Variants in MARCO observed in about 807,000 individuals in gnomAD.
The protein encoded by MARCO is macrophage receptor with collagenous structure.
Under a neutral mutation model 70.0 loss-of-function variants are expected in MARCO, and 72 were observed. The ratio of observed to expected loss-of-function variants is 1.03; its 90% CI spans 0.85 to 1.25. The LOEUF (loss-of-function observed/expected upper bound fraction) is 1.25, where lower values mean the gene tolerates loss of function less well. MARCO is among the 50% of genes most tolerant of loss of function. MARCO has a pLI of 0.00. For synonymous variants in MARCO, 273 were observed against 243.1 expected (o/e 1.12, Z -1.14); for missense variants, 696 against 659.3 (o/e 1.06, Z -0.61).
At chr2:118,946,185 C>T (rs983975466) in intron 1 of MARCO, among the ~76,000 whole-genome samples, 2 of 152,204 alleles carry the variant, frequency 1.3e-5, no homozygotes, top group African/African-American at 4.8e-5. Flanking sequence ...ACATCTTACA[C>T]TGCATTAATA....
chr2:118,959,666 TG>T (rs1679905640), intron 1 of MARCO, among the ~76,000 whole-genome samples: 1 of 152,216 alleles, frequency 6.6e-6, no homozygotes, highest in Admixed American at 6.5e-5. Flanking sequence ...AGTCACTGTT[TG>T]AAAAAGATAC....
chr2:118,982,461 G>A lies in MARCO; in HGVS notation c.1063+51G>A, dbSNP rs770535318. 6 of 1,549,636 alleles carry A rather than the reference G, an allele frequency of 3.9e-6. No homozygotes were observed. The African/African-American group carries it at 8.2e-5, about 21-fold the overall frequency. On this transcript the variant is annotated intron_variant, in intron 12 of 16. Transcript: ENST00000327097. ...AGGTGGGCTTGCTGGGTGGCAGGATGGATGGAGAGAAAAACTGCTTCTTCT... is the reference window on the plus strand; with the variant it reads ...AGGTGGGCTTGCTGGGTGGCAGGATAGATGGAGAGAAAAACTGCTTCTTCT...
chr2:118,990,557 CCT>C, intron 12 of MARCO, 30 bp from the exon 13 acceptor site: 1 of 1,557,384 alleles, frequency 6.4e-7, no homozygotes, highest in Non-Finnish European at 8.7e-7. Context: ...TTTATTATCT[CCT>C]CCCCCCCCCC....
chr2:118,972,578 G>T (rs1373579378), intron 4 of MARCO, among the ~76,000 whole-genome samples: 1 of 152,180 alleles, frequency 6.6e-6, no homozygotes, highest in Non-Finnish European at 1.5e-5. Flanking sequence ...TAGGATTGGT[G>T]TCAGGATAAA....
chr2:118,944,894 TC>T (rs1679567193), intron 1 of MARCO: 1 of 152,182 alleles, frequency 6.6e-6, no homozygotes, highest in Non-Finnish European at 1.5e-5. Flanking sequence ...AGAACAAGCC[TC>T]CTTCATTCCA....
At chr2:118,954,193 C>T (rs554667037) in intron 1 of MARCO, among the ~76,000 whole-genome samples, 2 of 152,266 alleles carry the variant, frequency 1.3e-5, no homozygotes, top group South Asian at 4.1e-4. Flanking sequence ...GCTGTCTCCC[C>T]CTCCCCCTGG....
intron 6 of MARCO, among the ~76,000 whole-genome samples, chr2:118,976,080 G>A (rs1483045246): frequency 6.6e-6 from 1 of 152,104 alleles, no homozygotes; most frequent in South Asian, 2.1e-4. Flanking sequence ...GAAGGGAAAA[G>A]CCAGAAGCCT....
chr2:118,958,720 C>T (rs1010308348), intron 1 of MARCO, among the ~76,000 whole-genome samples: 3 of 152,046 alleles, frequency 2.0e-5, no homozygotes, highest in African/African-American at 4.8e-5. Context: ...GCAAAAAGAA[C>T]AAATTTGGAG....
intron 1 of MARCO, among the ~76,000 whole-genome samples, chr2:118,954,247 C>T (rs1194933841): frequency 2.6e-5 from 4 of 152,154 alleles, no homozygotes; most frequent in Non-Finnish European, 4.4e-5. Context: ...GGGAGTAAGA[C>T]TGGCCCTTTG....
At chr2:118,965,883 C>T (rs988239488) in intron 1 of MARCO, among the ~76,000 whole-genome samples, 36 of 152,210 alleles carry the variant, frequency 2.4e-4, no homozygotes, top group African/African-American at 8.7e-4. Flanking sequence ...TCCAGTACTG[C>T]CTGGTGCTAT....
At chr2:118,961,207 C>A (rs187624456) in intron 1 of MARCO, among the ~76,000 whole-genome samples, 1 of 152,174 alleles carries the variant, frequency 6.6e-6, no homozygotes, top group East Asian at 1.9e-4. Flanking sequence ...CATACATGTG[C>A]CATATATCTT....
chr2:118,991,731 G>C, intron 13 of MARCO, 46 bp from the exon 14 acceptor site: 2 of 1,225,776 alleles, frequency 1.6e-6, no homozygotes, highest in Non-Finnish European at 2.3e-6. Context: ...TCTCTCTTGG[G>C]AAGGCAAAGC....
intron 1 of MARCO, among the ~76,000 whole-genome samples, chr2:118,959,835 G>C (rs1679908640): frequency 6.6e-6 from 1 of 152,162 alleles, no homozygotes; most frequent in South Asian, 2.1e-4. Context: ...TGAGATTGGA[G>C]ACTATTATTC....
chr2:118,969,959 GA>G (rs1417186147), intron 2 of MARCO, among the ~76,000 whole-genome samples, 154 bp from the exon 3 acceptor site: 1 of 152,158 alleles, frequency 6.6e-6, no homozygotes, highest in African/African-American at 2.4e-5. Context: ...TCAAGATGTA[GA>G]AAAGGCCGTG....
At chr2:118,959,316 G>A (rs1479524948) in intron 1 of MARCO, among the ~76,000 whole-genome samples, 1 of 151,772 alleles carries the variant, frequency 6.6e-6, no homozygotes, top group African/African-American at 2.4e-5. Context: ...TCAAAAAGTG[G>A]GCTAAGGATA....
At chr2:118,978,866 T>C (rs1680337166) in intron 8 of MARCO, among the ~76,000 whole-genome samples, 1 of 152,084 alleles carries the variant, frequency 6.6e-6, no homozygotes, top group South Asian at 2.1e-4. Flanking sequence ...ATAATAATAG[T>C]AGTAGTAGTT....
At chr2:118,955,374 C>T (rs1466076680) in intron 1 of MARCO, among the ~76,000 whole-genome samples, 1 of 151,948 alleles carries the variant, frequency 6.6e-6, no homozygotes, top group Non-Finnish European at 1.5e-5. Context: ...AAGACAAGGT[C>T]TTTGAATTAA....
chr2:118,949,186 A>G (rs1269234283), intron 1 of MARCO: 2 of 152,188 alleles, frequency 1.3e-5, no homozygotes, highest in Non-Finnish European at 2.9e-5. Context: ...CAGGGGGTGG[A>G]ATCTTGAAAA....
rs1281507294 is a variant in MARCO at position 118,970,169 on chromosome 2, T to C, written c.255T>C (p.Thr85=). The C allele has an allele frequency of 1.9e-6, 3 of 1,614,060 alleles. No individual in the cohort carries two copies. The highest frequency in any genetic ancestry group is 2.2e-5 in the South Asian group (2 of 91,074). The stretch of plus-strand genomic sequence containing the variant: ...TGGAGATGTATTTCCTCAATGACAC[T>C]CTGGCGGCTGAGGACAGCCCGTCCT... The part of the protein sequence containing the change: ...RVLEMYFLND[T]LAAEDSPSFS... The change falls in exon 3 of 17, where the codon ACT becomes ACC. Residue 85 remains threonine (T), a synonymous_variant. Coordinates refer to ENST00000327097, the MANE Select transcript of MARCO (RefSeq NM_006770.4).
Sources: allele counts gnomAD v4.1 joint callset (sites outside exome capture counted in the v4.1 genomes callset), GRCh38; gene constraint gnomAD v4.1.1; transcripts MANE v1.5; gene names NCBI Gene and HGNC (gene_info 2026-07-23, HGNC 2026-07-21).